Variants in NOD2 observed in about 807,000 individuals in gnomAD.
The protein encoded by NOD2 is nucleotide binding oligomerization domain containing 2.
Under a neutral mutation model 90.9 loss-of-function variants are expected in NOD2, and 86 were observed. That is an observed-to-expected ratio of 0.95 (90% confidence interval 0.79 to 1.13). The LOEUF (loss-of-function observed/expected upper bound fraction) is 1.13. Among genes scored for constraint, NOD2 ranks in the 50% most tolerant of loss-of-function variants. The pLI is 0.00. For synonymous variants in NOD2, 581 were observed against 554.6 expected, an observed-to-expected ratio of 1.05 and a Z score of -0.67; for missense variants, 1,238 against 1,283.8, an observed-to-expected ratio of 0.96 and a Z score of 0.55.
chr16:50,710,856 G>A lies in NOD2; in HGVS notation c.864G>A (p.Leu288=). 6.2e-7 allele frequency: 1 copy of A among 1,614,108 alleles called. No homozygotes were observed. The highest frequency in any genetic ancestry group is 8.5e-7 in the Non-Finnish European group (1 of 1,180,026). The change falls in exon 4 of 12, where the codon CTG becomes CTA. Residue 288 remains leucine, a synonymous_variant. Transcript: ENST00000647318. ...KSTLLQRLHL[L]WAAGQDFQEF... is the part of the protein sequence containing the mutation. ...CGCTCCTGCAGCGGCTGCACTTGCTGTGGGCTGCAGGGCAAGACTTCCAGG... is the reference window on the plus strand; with the variant it reads ...CGCTCCTGCAGCGGCTGCACTTGCTATGGGCTGCAGGGCAAGACTTCCAGG...
intron 10 of NOD2, chr16:50,727,567 G>A: frequency 3.5e-6 from 1 of 287,196 alleles, no homozygotes; most frequent in South Asian, 3.6e-5. Flanking sequence ...CATCCTCCTG[G>A]TTGTGGAAGC....
intron 4 of NOD2, chr16:50,715,468 G>T (rs959685535): frequency 4.6e-5 from 7 of 151,836 alleles, no homozygotes; most frequent in African/African-American, 1.5e-4. Context: ...CAGGCAGGGG[G>T]TACAGTGGCA....
Position 50,719,763 on chromosome 16 carries a change from G to A in NOD2, c.2550-162G>A, listed in dbSNP as rs571242145. 11 of 747,082 alleles carry A rather than the reference G, an allele frequency of 1.5e-5. No homozygotes were observed. The East Asian group carries it at 2.3e-4, about 15-fold the overall frequency. 46.3% of individuals were successfully genotyped at this position (747,082 alleles called of 1,614,324 possible). On this transcript the variant is annotated intron_variant, in intron 6 of 11. Coordinates refer to ENST00000647318, the MANE Select transcript of NOD2 (RefSeq NM_001370466.1). ...GGGGGAAAATGAAGTTGTGGGAGCCGCTGAGTAAACTAGACCTAGCAGCGA... is the reference window on the plus strand; with the variant it reads ...GGGGGAAAATGAAGTTGTGGGAGCCACTGAGTAAACTAGACCTAGCAGCGA...
chr16:50,721,904 T>G (rs913343893), intron 7 of NOD2, among the ~76,000 whole-genome samples: 1 of 152,338 alleles, frequency 6.6e-6, no homozygotes, highest in African/African-American at 2.4e-5. Flanking sequence ...GTCATATCCC[T>G]GGGGCACAGA....
intron 4 of NOD2, among the ~76,000 whole-genome samples, chr16:50,716,056 G>A (rs892172436): frequency 2.0e-5 from 3 of 152,172 alleles, no homozygotes; most frequent in African/African-American, 7.2e-5. Context: ...GCCTGTTGGA[G>A]TGGTGCCATT....
At chr16:50,719,769 T>C in intron 6 of NOD2, 156 bp from the exon 7 acceptor site, 2 of 759,778 alleles carry the variant, frequency 2.6e-6, no homozygotes, top group Non-Finnish European at 4.8e-6. Flanking sequence ...AGCCGCTGAG[T>C]AAACTAGACC....
chr16:50,694,768 C>T (rs1401296002), intron 1 of NOD2, among the ~76,000 whole-genome samples: 2 of 152,106 alleles, frequency 1.3e-5, no homozygotes, highest in Non-Finnish European at 2.9e-5. Flanking sequence ...GGATGAGACA[C>T]GAGACAGAGC....
rs1964836775 is a variant in NOD2 at position 50,717,115 on chromosome 16, AG to A, written c.2549+145del. The A allele has an allele frequency of 6.5e-6, 5 of 764,884 alleles. No individual in the cohort carries two copies. The East Asian group carries it at 1.3e-4, about 20-fold the overall frequency. 47.4% of individuals were successfully genotyped at this position (764,884 alleles called of 1,614,324 possible). A position where few individuals can be genotyped will look rare whatever the true frequency, so the allele number is the denominator to read the frequency against. ...GCAGGGACAGTGTCTCATTTTAAGC[AG>A]GGGTTCTCTAATGCTGTGATCTCCC... On this transcript the variant is annotated intron_variant, in intron 6 of 11. Coordinates refer to ENST00000647318, the MANE Select transcript of NOD2 (RefSeq NM_001370466.1).
rs1374819768 is a variant in NOD2 at position 50,710,729 on chromosome 16, C to T, written c.737C>T (p.Pro246Leu). 1.9e-6 allele frequency: 3 copies of T among 1,613,700 alleles called. No individual in the cohort carries two copies. Among genetic ancestry groups the T allele is most frequent in the Admixed American group, 3.3e-5 (2 of 59,980 alleles). The part of the protein sequence containing the change: ...VGMAGPPQKS[P>L]ATLGLEELFS... The stretch of plus-strand genomic sequence containing the variant: ...ATGGCTGGACCCCCGCAGAAGAGCC[C>T]AGCCACCCTGGGCCTGGAGGAGCTC... The change falls in exon 4 of 12, where the codon CCA (proline) becomes CTA (leucine). Residue 246 changes from proline (P) to leucine (L), a missense_variant. Around this residue, in one of 3 missense-constraint regions of NOD2, gnomAD observed 567 missense variants for 577.3 expected, o/e 0.98. Transcript: ENST00000647318.
chr16:50,729,937 A>G lies in NOD2; in HGVS notation c.2969+36A>G, dbSNP rs371193432. 8 of 1,518,522 alleles carry G rather than the reference A, an allele frequency of 5.3e-6. No individual in the cohort carries two copies. In the African/African-American group the frequency reaches 1.1e-4, roughly 21 times the overall value. 94.1% of individuals were successfully genotyped at this position (1,518,522 alleles called of 1,614,324 possible). The stretch of plus-strand genomic sequence containing the variant: ...TGGGCAGGCCTGTTTTAGCTCTCCG[A>G]ACCTCAGTTTTTCTATCTGTAAAAT... On this transcript the variant is annotated intron_variant, in intron 11 of 11. Transcript: ENST00000647318.
At chr16:50,700,372 C>T (rs1429467388) in intron 2 of NOD2, among the ~76,000 whole-genome samples, 3 of 152,170 alleles carry the variant, frequency 2.0e-5, no homozygotes, top group African/African-American at 7.2e-5. Context: ...AATCCTCCCG[C>T]CTTGGCCTCC....
rs776802746 is a variant in NOD2 at position 50,711,308 on chromosome 16, C to T, written c.1316C>T (p.Ala439Val). 1.5e-5 allele frequency: 24 copies of T among 1,613,492 alleles called. No individual in the cohort carries two copies. The highest frequency in any genetic ancestry group is 1.6e-4 in the Middle Eastern group (1 of 6,084). The change falls in exon 4 of 12, where the codon GCG becomes GTG. Residue 439 changes from alanine (A) to valine (V), a missense_variant. By Grantham distance (64) the Ala-to-Val change is moderately conservative. Coordinates refer to ENST00000647318, the MANE Select transcript of NOD2 (RefSeq NM_001370466.1). ...AAGCGCCATCATGAGCCCGGGGTGG[C>T]GGACCGCCTCATCCGCCTGCTCCAA... is the stretch of plus-strand genomic sequence containing the variant. ...LRKRHHEPGV[A>V]DRLIRLLQET...
At chr16:50,717,627 G>C (rs924976317) in intron 6 of NOD2, among the ~76,000 whole-genome samples, 1 of 152,236 alleles carries the variant, frequency 6.6e-6, no homozygotes, top group African/African-American at 2.4e-5. Flanking sequence ...TTTACCTCTT[G>C]GGCTGGGTTT....
At chr16:50,718,458 A>G (rs1341140091) in intron 6 of NOD2, among the ~76,000 whole-genome samples, 1 of 152,208 alleles carries the variant, frequency 6.6e-6, no homozygotes, top group Non-Finnish European at 1.5e-5. Context: ...AAATGTATGA[A>G]TTGTTTATCT....
intron 3 of NOD2, 118 bp downstream of exon 3, chr16:50,708,078 C>G (rs1332062434): frequency 6.6e-6 from 5 of 753,768 alleles, no homozygotes; most frequent in Non-Finnish European, 9.6e-6. Context: ...CTCCCTATGA[C>G]TCAATTTCCT....
chr16:50,719,815 CG>C, intron 6 of NOD2, 109 bp from the exon 7 acceptor site: 1 of 964,354 alleles, frequency 1.0e-6, no homozygotes. Context: ...TGCTGCCTCC[CG>C]GGCAGGTCTT....
chr16:50,723,365 G>A lies in NOD2; in HGVS notation c.2782G>A (p.Val928Ile), dbSNP rs5743291. Residue 928 changes from valine (V) to isoleucine (I), a missense_variant, in exon 9 of 12, where the codon GTC (valine) becomes ATC (isoleucine). Physicochemically the swap from Val to Ile is conservative, Grantham distance 29. Around this residue, in one of 3 missense-constraint regions of NOD2, gnomAD observed 667 missense variants for 688.7 expected, o/e 0.97. Coordinates refer to ENST00000647318, the MANE Select transcript of NOD2 (RefSeq NM_001370466.1). ...CTTGGCACTGATGCTGGCAAAGAAC[G>A]TCATGCTAGAAGAACTCTGGTGAGT... ...QALALMLAKNVMLEELCLEEN... is the reference protein window; with the variant it reads ...QALALMLAKNIMLEELCLEEN... 0.077 allele frequency: 124,507 copies of A among 1,613,456 alleles called. 5,597 individuals are homozygous for A. The highest frequency in any genetic ancestry group is 0.1 in the Middle Eastern group (620 of 6,058).
rs199475923 is a variant in NOD2 at position 50,731,827 on chromosome 16, G to A, written c.*8G>A. 3.5e-5 allele frequency: 57 copies of A among 1,609,228 alleles called. No homozygotes were observed. The highest frequency in any genetic ancestry group is 3.1e-4 in the East Asian group (14 of 44,854). On this transcript the variant is annotated 3_prime_UTR_variant, in exon 12 of 12. Transcript: ENST00000647318. ...ACCAGACTCTTGCTTTGAAGTCTCC[G>A]GGAGGATGTTCGTCTCAGTTTGTTT...
At chr16:50,723,821 T>A (rs1478153979) in intron 9 of NOD2, among the ~76,000 whole-genome samples, 10 of 152,212 alleles carry the variant, frequency 6.6e-5, no homozygotes, top group Non-Finnish European at 1.3e-4. Flanking sequence ...CCTGGCATAT[T>A]TGTAAGTGCT....
Sources: gnomAD v4.1 joint callset for allele counts (sites outside exome capture counted in the v4.1 genomes callset) on GRCh38, gnomAD v4.1.1 for gene constraint, gnomAD v4.1.1 regional missense constraint, MANE v1.5 for transcripts, NCBI Gene and HGNC (gene_info 2026-07-23, HGNC 2026-07-21) for gene names.